B4GALNT4: variants seen among roughly 807,000 people sequenced by gnomAD.
B4GALNT4 encodes the protein N-acetyl-beta-glucosaminyl-glycoprotein 4-beta-N-acetylgalactosaminyltransferase 1.
A neutral mutation model predicts 110.0 loss-of-function variants in B4GALNT4; 77 were observed. The ratio of observed to expected loss-of-function variants is 0.70; its 90% CI spans 0.58 to 0.85. B4GALNT4 has a LOEUF of 0.85. Ranked by LOEUF, B4GALNT4 falls within the 40% of genes least tolerant of loss-of-function variation. The pLI is 0.00. For missense variants in B4GALNT4, 1,575 were observed against 1,506.0 expected (o/e 1.05, Z -0.76); for synonymous variants, 785 against 655.5 (o/e 1.20, Z -3.02).
intron 1 of B4GALNT4, among the ~76,000 whole-genome samples, chr11:370,281 G>A (rs1238652647): frequency 6.6e-6 from 1 of 152,064 alleles, no homozygotes; most frequent in Non-Finnish European, 1.5e-5. Context: ...GCTGACGGTG[G>A]GCTCCTGGGG....
Position 369,732 on chromosome 11 carries a change from C to T in B4GALNT4, c.-72C>T. On this transcript the variant is annotated 5_prime_UTR_variant, in exon 1 of 20. Coordinates refer to ENST00000329962, the MANE Select transcript of B4GALNT4 (RefSeq NM_178537.5). ...GCGGCGGGGCGGGCCGGGGATGCGG[C>T]GCGGGGCGGGCGGGGGCCGGGGGCT... 1 of 783,630 alleles carries T rather than the reference C, an allele frequency of 1.3e-6. No individual in the cohort carries two copies. The highest frequency in any genetic ancestry group is 1.5e-6 in the Non-Finnish European group (1 of 650,548). 48.5% of individuals were successfully genotyped at this position (783,630 alleles called of 1,614,324 possible).
rs1203870274 is a variant in B4GALNT4, at chr11:376,513, CCAG to C, written c.1395_1397del (p.Ala466del). 2.7e-6 allele frequency: 4 copies of C among 1,499,912 alleles called. No homozygotes were observed. The East Asian group carries it at 1.0e-4, about 37-fold the overall frequency. 92.9% of individuals were successfully genotyped at this position (1,499,912 alleles called of 1,614,324 possible). On this transcript the variant is annotated inframe_deletion, in exon 14 of 20. Transcript: ENST00000329962. ...CAGGAGCGGCCCCCAGTCCCCCGCC[CCAG>C]CAGCCCCCGCCCAGCCCGGAGCCAC... is the stretch of plus-strand genomic sequence containing the variant.
rs750929106 is a variant in B4GALNT4 at position 380,069 on chromosome 11, C to G, written c.2642+50C>G. On this transcript the variant is annotated intron_variant, in intron 16 of 19. Coordinates refer to ENST00000329962, the MANE Select transcript of B4GALNT4 (RefSeq NM_178537.5). ...GCGGACCCAGCGCAGCTTTCCTCCC[C>G]GGGAGATGGGTTTTCCTGACCCCAC... 18 of 1,597,606 alleles carry G rather than the reference C, an allele frequency of 1.1e-5. No individual in the cohort carries two copies. In the Admixed American group the frequency reaches 1.5e-4, roughly 14 times the overall value.
Position 376,099 on chromosome 11 carries a change from A to C in B4GALNT4, c.1121A>C (p.Asn374Thr), listed in dbSNP as rs1286170162. ...QFVYLSFVYPNDYTRLTHMET... is the reference protein window; with the variant it reads ...QFVYLSFVYPTDYTRLTHMET... ...GTGTACCTGTCCTTCGTTTATCCCA[A>C]CGACTACACTCGCCTCACCCACATG... Residue 374 changes from asparagine to threonine, a missense_variant, in exon 12 of 20, where the codon AAC becomes ACC. Transcript: ENST00000329962. The C allele has an allele frequency of 1.9e-6, 3 of 1,607,354 alleles. No individual in the cohort carries two copies. Among genetic ancestry groups the C allele is most frequent in the Non-Finnish European group, 2.5e-6 (3 of 1,177,354 alleles).
chr11:378,736 A>G (rs989162591), intron 14 of B4GALNT4, among the ~76,000 whole-genome samples: 1 of 152,028 alleles, frequency 6.6e-6, no homozygotes, highest in African/African-American at 2.4e-5. Flanking sequence ...GAGTGGAATG[A>G]GGAGGAAGGG....
intron 1 of B4GALNT4, 58 bp downstream of exon 1, chr11:370,012 G>GCGGCGCGGGGGGCGCGGGGGGCGCGGGC (rs1846584939): frequency 1.5e-5 from 2 of 135,026 alleles, no homozygotes; most frequent in African/African-American, 6.9e-5. Flanking sequence ...GGGGCGCGGG[G>GCGGCGCGGGGGGCGCGGGGGGCGCGGGC]GGCGCGGGCG....
At chr11:373,635 C>T (rs1348731126) in intron 7 of B4GALNT4, 115 bp from the exon 8 acceptor site, 2 of 1,516,590 alleles carry the variant, frequency 1.3e-6, no homozygotes, top group African/African-American at 2.7e-5. Context: ...CCCGGCCAAG[C>T]TGCCATCCTC....
chr11:376,194 A>G lies in B4GALNT4; in HGVS notation c.1196+20A>G. The stretch of plus-strand genomic sequence containing the variant: ...GGAGAGGTGGGCGCGCGGCCGGGCT[A>G]ATGCGGGGCGGGGTGGGCGGGGCGG... On this transcript the variant is annotated intron_variant, in intron 12 of 19. Coordinates refer to ENST00000329962, the MANE Select transcript of B4GALNT4 (RefSeq NM_178537.5). The G allele has an allele frequency of 1.6e-6, 1 of 625,130 alleles. No homozygotes were observed. Among genetic ancestry groups the G allele is most frequent in the Non-Finnish European group, 2.8e-6 (1 of 356,626 alleles). The allele number at this position is 625,130 out of a possible 1,614,324, so 38.7% of individuals were successfully genotyped here. A position where few individuals can be genotyped will look rare whatever the true frequency, so the allele number is the denominator to read the frequency against.
Position 374,638 on chromosome 11 carries a change from C to T in B4GALNT4, c.783+810C>T, listed in dbSNP as rs1481668890. Among the ~76,000 whole-genome samples the T allele has an allele frequency of 5.0e-5, 3 of 60,374 alleles. No homozygotes were observed. The East Asian group carries it at 1.1e-3, about 22-fold the overall frequency. The allele number at this position is 60,374 out of a possible 152,430, so 39.6% of individuals were successfully genotyped here. A position where few individuals can be genotyped will look rare whatever the true frequency, so the allele number is the denominator to read the frequency against. On this transcript the variant is annotated intron_variant, in intron 8 of 19. Transcript: ENST00000329962. ...CTTAGGGGGCCAGCAGTGACCCTCA[C>T]TGGGTGGGGTTGGAAATCTTAACCT...
Position 377,396 on chromosome 11 carries a change from G to C in B4GALNT4, c.2204+69G>C, listed in dbSNP as rs954914433. ...GGGACAGCCGGGGAGAGGAGGTCCT[G>C]GCCTTGGCGGACTCCTCAGACCTTC... On this transcript the variant is annotated intron_variant, in intron 14 of 19. Coordinates refer to ENST00000329962, the MANE Select transcript of B4GALNT4 (RefSeq NM_178537.5). 2.8e-6 allele frequency: 4 copies of C among 1,410,780 alleles called. No homozygotes were observed. The African/African-American group carries it at 6.0e-5, about 21-fold the overall frequency. The allele number at this position is 1,410,780 out of a possible 1,614,324, so 87.4% of individuals were successfully genotyped here.
chr11:376,293 G>T lies in B4GALNT4; in HGVS notation c.1239G>T (p.Gly413=), dbSNP rs763506823. Residue 413 remains glycine, a synonymous_variant, in exon 13 of 20, where the codon GGG becomes GGT. Coordinates refer to ENST00000329962, the MANE Select transcript of B4GALNT4 (RefSeq NM_178537.5). ...ACATGAAGATGGACAAGGAGGAGGGGGATGAGGATGAAGAAGACGAGGTGC... is the reference window on the plus strand; with the variant it reads ...ACATGAAGATGGACAAGGAGGAGGGTGATGAGGATGAAGAAGACGAGGTGC... ...YKYMKMDKEE[G]DEDEEDEVQR... The T allele has an allele frequency of 6.2e-6, 10 of 1,610,470 alleles. No individual in the cohort carries two copies. The Admixed American group carries it at 6.7e-5, about 11-fold the overall frequency.
Position 376,012 on chromosome 11 carries a change from G to C in B4GALNT4, c.1095+56G>C. 2.5e-6 allele frequency: 4 copies of C among 1,605,094 alleles called. No homozygotes were observed. In the South Asian group the frequency reaches 4.4e-5, roughly 18 times the overall value. On this transcript the variant is annotated intron_variant, in intron 11 of 19. Transcript: ENST00000329962. ...CCGGGACTCCGCGGAGCCTTCTCCA[G>C]CCCCTTGGGAGGCCGCCCCGGGAGG...
intron 19 of B4GALNT4, 31 bp downstream of exon 19, chr11:380,982 A>T (rs1846864507): frequency 6.2e-7 from 1 of 1,601,908 alleles, no homozygotes; most frequent in Non-Finnish European, 8.5e-7. Flanking sequence ...CAGAGGTGAC[A>T]CCCTGACCCC....
chr11:370,361 C>T (rs1261048730), intron 1 of B4GALNT4, among the ~76,000 whole-genome samples: 1 of 152,130 alleles, frequency 6.6e-6, no homozygotes, highest in African/African-American at 2.4e-5. Flanking sequence ...ACCCCCTGCC[C>T]GCTTAGCAGG....
rs1274205234 is a variant in B4GALNT4, at chr11:375,745, G to T, written c.957G>T (p.Arg319=). Residue 319 remains arginine (R), a synonymous_variant, in exon 10 of 20, where the codon CGG becomes CGT. Transcript: ENST00000329962. ...PQEETSADML[R]PDPRDTFFLT... ...AGGAGACCAGCGCAGACATGCTGCG[G>T]CCAGATCCCAGGGATACCTTTTTCC... 1.3e-6 allele frequency: 2 copies of T among 1,596,462 alleles called. No homozygotes were observed. The highest frequency in any genetic ancestry group is 1.1e-5 in the South Asian group (1 of 90,826).
Position 379,938 on chromosome 11 carries a change from C to T in B4GALNT4, c.2561C>T (p.Ser854Leu), listed in dbSNP as rs781688656. The change falls in exon 16 of 20, where the codon TCG becomes TTG. Residue 854 changes from serine to leucine, a missense_variant. Coordinates refer to ENST00000329962, the MANE Select transcript of B4GALNT4 (RefSeq NM_178537.5). ...MAALHARTGD[S>L]RFSVVLVDFE... ...GCGCTGCACGCGCGCACCGGGGACT[C>T]GCGTTTCAGCGTCGTCCTGGTGGAT... The T allele has an allele frequency of 1.2e-6, 2 of 1,611,842 alleles. No homozygotes were observed. Among genetic ancestry groups the T allele is most frequent in the Non-Finnish European group, 1.7e-6 (2 of 1,179,832 alleles).
intron 10 of B4GALNT4, 24 bp downstream of exon 10, chr11:375,797 C>A: frequency 6.2e-7 from 1 of 1,601,234 alleles, no homozygotes; most frequent in South Asian, 1.1e-5. Context: ...CGCGCGGGGG[C>A]GAGGGCGGGG....
rs759777482 is a variant in B4GALNT4, at chr11:376,335, C to T, written c.1281C>T (p.Leu427=). The change falls in exon 13 of 20, where the codon CTC becomes CTT. Residue 427 remains leucine, a synonymous_variant. Coordinates refer to ENST00000329962, the MANE Select transcript of B4GALNT4 (RefSeq NM_178537.5). ...EEDEVQRRAF[L]FLNPDDFLDD... is the part of the protein sequence containing the mutation. ...ACGAGGTGCAGCGCCGAGCCTTCCT[C>T]TTCCTCAACCCGGACGGTGAGTGTC... 1.2e-6 allele frequency: 2 copies of T among 1,608,948 alleles called. No individual in the cohort carries two copies. The highest frequency in any genetic ancestry group is 1.1e-5 in the South Asian group (1 of 90,864).
intron 14 of B4GALNT4, 90 bp from the exon 15 acceptor site, chr11:379,328 C>T: frequency 2.2e-6 from 3 of 1,357,366 alleles, no homozygotes; most frequent in Non-Finnish European, 2.9e-6. Flanking sequence ...AACTCCAAGT[C>T]GGCTGAGTTT....
Sources: gnomAD v4.1 joint callset for allele counts (sites outside exome capture counted in the v4.1 genomes callset) on GRCh38, gnomAD v4.1.1 for gene constraint, MANE v1.5 for transcripts, NCBI Gene and HGNC (gene_info 2026-07-23, HGNC 2026-07-21) for gene names.